Variants in TASOR2 observed in about 807,000 individuals in gnomAD.
The protein encoded by TASOR2 is transcription activation suppressor family member 2, also known as protein TASOR 2.
Under a neutral mutation model 199.5 loss-of-function variants are expected in TASOR2, and 84 were observed. The ratio of observed to expected loss-of-function variants is 0.42; its 90% CI spans 0.35 to 0.50. The LOEUF (loss-of-function observed/expected upper bound fraction) is 0.50, where lower values mean the gene tolerates loss of function less well. TASOR2 is among the 20% of genes least tolerant of loss of function. The probability of loss-of-function intolerance (pLI) is 0.02; values close to 1 mark genes in which losing one functional copy is unlikely to be tolerated. For missense variants in TASOR2, 2,796 were observed against 2,835.9 expected, an observed-to-expected ratio of 0.99 and a Z score of 0.32; for synonymous variants, 1,103 against 1,046.6, an observed-to-expected ratio of 1.05 and a Z score of -1.04.
At chr10:5,686,118 T>G (rs560131244) in intron 1 of TASOR2, among the ~76,000 whole-genome samples, 32 of 152,302 alleles carry the variant, frequency 2.1e-4, no homozygotes, top group Non-Finnish European at 3.5e-4. Context: ...CTGTATGCGG[T>G]ATGTCCTGTA....
rs1056024733 is a variant in TASOR2 at position 5,710,409 on chromosome 10, A to C, written c.-287-2414A>C. 3.9e-5 allele frequency among the ~76,000 whole-genome samples: 6 copies of C among 152,160 alleles called. No homozygotes were observed. The highest frequency in any genetic ancestry group is 7.4e-5 in the Non-Finnish European group (5 of 67,972). ...GAAGCATTTTTAACCATAAATAAAT[A>C]GTTCTGGAAATAAAAATATATATAA... is the stretch of plus-strand genomic sequence containing the variant. On this transcript the variant is annotated intron_variant, in intron 1 of 20. Coordinates refer to ENST00000328090, the Ensembl canonical transcript of TASOR2. The surrounding 1 kb of genome is among the most constrained non-coding windows in gnomAD (Gnocchi z 4.6).
intron 10 of TASOR2, among the ~76,000 whole-genome samples, chr10:5,727,514 T>C (rs778698553): frequency 2.6e-5 from 4 of 152,184 alleles, no homozygotes; most frequent in Non-Finnish European, 4.4e-5. Context: ...TACATTTTTA[T>C]TGTGATGTTG....
chr10:5,729,648 G>C (rs1183633647), intron 10 of TASOR2, among the ~76,000 whole-genome samples: 1 of 152,062 alleles, frequency 6.6e-6, no homozygotes, highest in Non-Finnish European at 1.5e-5. Context: ...TATTTAACTA[G>C]AACTAACTTT....
chr10:5,691,083 T>C (rs1166350119), intron 1 of TASOR2, among the ~76,000 whole-genome samples: 3 of 137,414 alleles, frequency 2.2e-5, no homozygotes, highest in Non-Finnish European at 4.8e-5. Flanking sequence ...CCCAGCTTCT[T>C]GGGAGGCTGA....
At position 5,735,418 on chromosome 10, in the gene TASOR2, A is replaced by G. The variant is rs1015839329; in HGVS notation, c.1319A>G (p.Lys440Arg). ...CCAACAAATGCTAAAAGGGCAAGGAAACAAGAGAAATCTCCAGTCAAAACT... is the reference window on the plus strand; with the variant it reads ...CCAACAAATGCTAAAAGGGCAAGGAGACAAGAGAAATCTCCAGTCAAAACT... Residue 440 changes from lysine to arginine, a missense_variant, in exon 12 of 21, where the codon AAA (lysine) becomes AGA (arginine). Transcript: ENST00000328090. The G allele has an allele frequency of 2.5e-6, 4 of 1,614,066 alleles. No individual in the cohort carries two copies. The African/African-American group carries it at 4.0e-5, about 16-fold the overall frequency.
intron 11 of TASOR2, 140 bp from the exon 13 acceptor site, chr10:5,735,164 T>C (rs912291956): frequency 2.1e-6 from 2 of 959,642 alleles, no homozygotes; most frequent in East Asian, 5.1e-5. Context: ...TTTAATTAAA[T>C]ACCTGAAACT....
chr10:5,757,476 C>T (rs561875396), intron 16 of TASOR2, 44 bp from the exon 18 acceptor site: 4 of 1,551,426 alleles, frequency 2.6e-6, no homozygotes, highest in East Asian at 2.3e-5. Context: ...AGAAAATGTG[C>T]CCAGTGAGCC....
chr10:5,708,969 T>C (rs1831568167), intron 1 of TASOR2, among the ~76,000 whole-genome samples: 1 of 152,176 alleles, frequency 6.6e-6, no homozygotes, highest in African/African-American at 2.4e-5. Context: ...CCCGGCGTGC[T>C]GGGATTACAG....
At chr10:5,739,619 C>A in exon 13 of TASOR2, 3 of 1,607,410 alleles carry the variant, frequency 1.9e-6, no homozygotes, top group Non-Finnish European at 2.6e-6. Flanking sequence ...ATACTGAAGT[C>A]AAAGGAGAAA....
In TASOR2 at chr10:5,739,642, T is replaced by G. The variant is rs746182215; in HGVS notation, c.1472T>G (p.Leu491Arg). The change falls in exon 13 of 21, where the codon CTT becomes CGT. Residue 491 changes from leucine (L) to arginine (R), a missense_variant. Transcript: ENST00000328090. ...GTCAAAGGAGAAACTGCTTCAAAGC[T>G]TCAATCAGAAATTTCAAGAGGTTGT... is the stretch of plus-strand genomic sequence containing the variant. The G allele has an allele frequency of 2.5e-6, 4 of 1,613,210 alleles. No homozygotes were observed. In the South Asian group the frequency reaches 4.4e-5, roughly 18 times the overall value.
In TASOR2 at chr10:5,720,140, A is replaced by T. The variant is rs565871228; in HGVS notation, c.-99-404A>T. The T allele has an allele frequency of 2.7e-5, 10 of 369,768 alleles. No homozygotes were observed. Among genetic ancestry groups the T allele is most frequent in the Admixed American group, 6.4e-5 (1 of 15,552 alleles). 22.9% of individuals were successfully genotyped at this position (369,768 alleles called of 1,614,324 possible). The stretch of plus-strand genomic sequence containing the variant: ...GTTTTTCTAAGAAGTATAGTTCTTA[A>T]TACAGTTACTGTTAGGGGACACATA... On this transcript the variant is annotated intron_variant, in intron 3 of 20. Coordinates refer to ENST00000328090, the Ensembl canonical transcript of TASOR2. The surrounding 1 kb of genome is among the most constrained non-coding windows in gnomAD (Gnocchi z 5.3).
At chr10:5,724,400 TA>T in intron 7 of TASOR2, 29 bp from the exon 9 acceptor site, 1 of 1,196,764 alleles carries the variant, frequency 8.4e-7, no homozygotes, top group Non-Finnish European at 1.2e-6. Context: ...GTATTAAAAA[TA>T]AGAAATGTTT....
intron 19 of TASOR2, among the ~76,000 whole-genome samples, chr10:5,762,253 T>TAA (rs33954327): frequency 1.4e-5 from 2 of 139,936 alleles, no homozygotes; most frequent in African/African-American, 2.7e-5. Context: ...TATCTATCTT[T>TAA]AAAAAAAAAA....
At position 5,746,711 on chromosome 10, in the gene TASOR2, C is replaced by G. The variant is rs1470873131; in HGVS notation, c.3290C>G (p.Ser1097Cys). The change falls in exon 15 of 21, where the codon TCC becomes TGC. Residue 1097 changes from serine (S) to cysteine (C), a missense_variant. By Grantham distance (112) the Ser-to-Cys change is moderately radical. Coordinates refer to ENST00000328090, the Ensembl canonical transcript of TASOR2. ...GCTGCAAGCCTTAGACATCCTGTAT[C>G]CACCTCGGAAAATGCACGAACACAA... 1.9e-6 allele frequency: 3 copies of G among 1,614,110 alleles called. No individual in the cohort carries two copies. The highest frequency in any genetic ancestry group is 3.3e-5 in the Admixed American group (2 of 60,012).
At chr10:5,732,631 C>T (rs1834986138) in intron 11 of TASOR2, among the ~76,000 whole-genome samples, 1 of 152,200 alleles carries the variant, frequency 6.6e-6, no homozygotes, top group African/African-American at 2.4e-5. Context: ...GATCATAGCT[C>T]ACTGCAGTCT....
intron 1 of TASOR2, among the ~76,000 whole-genome samples, chr10:5,708,820 G>A (rs536468328): frequency 6.6e-6 from 1 of 152,010 alleles, no homozygotes; most frequent in Admixed American, 6.6e-5. Flanking sequence ...TCCCACCTCA[G>A]CCTCCAAAGT....
rs1179035492 is a variant in TASOR2, at chr10:5,748,292, A to G, written c.4871A>G (p.Lys1624Arg). ...AACCATCTCTTTCCCGGTGATTTGA[A>G]AACAGATGAAGGCATTTATCTGCAG... Residue 1624 changes from lysine to arginine, a missense_variant, in exon 15 of 21, where the codon AAA (lysine) becomes AGA (arginine). This residue lies in a region of TASOR2 where 1,941 missense variants were observed against 1,924.9 expected (regional missense o/e 1.01). Transcript: ENST00000328090. The surrounding 1 kb of genome is among the most constrained non-coding windows in gnomAD (Gnocchi z 5.1). 6.2e-7 allele frequency: 1 copy of G among 1,614,114 alleles called. No individual in the cohort carries two copies. Among genetic ancestry groups the G allele is most frequent in the African/African-American group, 1.3e-5 (1 of 74,938 alleles).
exon 1 of TASOR2, chr10:5,684,938 A>G (rs1316517981): frequency 2.5e-6 from 1 of 397,596 alleles, no homozygotes; most frequent in Admixed American, 4.4e-5. Context: ...GACGGGAGAC[A>G]GAGCGCGGGC....
Position 5,685,288 on chromosome 10 carries a change from T to G in TASOR2, c.-288+113T>G, listed in dbSNP as rs888724194. On this transcript the variant is annotated intron_variant, in intron 1 of 20. Transcript: ENST00000328090. The surrounding 1 kb of genome is among the most constrained non-coding windows in gnomAD (Gnocchi z 5.4). The stretch of plus-strand genomic sequence containing the variant: ...CTTGGCTGCGAGGGTCGACGCGTTC[T>G]CCTTGCCTTTTGCCGCGCTCCGGGT... 5.0e-6 allele frequency: 2 copies of G among 396,578 alleles called. No homozygotes were observed. The highest frequency in any genetic ancestry group is 4.1e-5 in the African/African-American group (2 of 48,532). 24.6% of individuals were successfully genotyped at this position (396,578 alleles called of 1,614,324 possible).
Sources: gnomAD v4.1 joint callset for allele counts (sites outside exome capture counted in the v4.1 genomes callset) on GRCh38, gnomAD v4.1.1 for gene constraint, gnomAD v4.1.1 regional missense constraint, Gnocchi (gnomAD v3.1) non-coding constraint, MANE v1.5 for transcripts, NCBI Gene and HGNC (gene_info 2026-07-23, HGNC 2026-07-21) for gene names.